The following CA8 variants were observed in gnomAD, a reference collection of about 807,000 sequenced individuals.
CA8 encodes carbonic anhydrase-related protein.
In CA8, 22 loss-of-function variants were observed where a neutral mutation model predicts 41.4. The ratio of observed to expected loss-of-function variants is 0.53; its 90% CI spans 0.38 to 0.76. The LOEUF (loss-of-function observed/expected upper bound fraction) is 0.76, where lower values mean the gene tolerates loss of function less well. CA8 is among the 30% of genes least tolerant of loss of function. The pLI is 0.00. For missense variants in CA8, 270 were observed against 352.8 expected (o/e 0.77, Z 1.88); for synonymous variants, 121 against 130.6 (o/e 0.93, Z 0.50).
chr8:60,190,150 C>A (rs1806074028), intron 8 of CA8, among the ~76,000 whole-genome samples, 165 bp from the exon 9 acceptor site: 1 of 151,830 alleles, frequency 6.6e-6, no homozygotes, highest in South Asian at 2.1e-4. Context: ...GTTATCTCTG[C>A]AATTTTTCCA....
At chr8:60,274,817 T>C (rs142306190) in intron 2 of CA8, among the ~76,000 whole-genome samples, 21 of 152,298 alleles carry the variant, frequency 1.4e-4, no homozygotes, top group African/African-American at 4.6e-4. Context: ...CTCCACAGTA[T>C]TTTATTATAG....
intron 7 of CA8, among the ~76,000 whole-genome samples, chr8:60,221,029 G>A (rs1044700421): frequency 1.4e-4 from 22 of 152,296 alleles, no homozygotes; most frequent in African/African-American, 4.8e-4. Context: ...TTTTATGTGA[G>A]CATGAAATAA....
At chr8:60,251,938 T>G (rs1306474844) in intron 3 of CA8, among the ~76,000 whole-genome samples, 1 of 152,130 alleles carries the variant, frequency 6.6e-6, no homozygotes, top group African/African-American at 2.4e-5. Context: ...ATCCTAATAA[T>G]CTAAAATAGA....
intron 1 of CA8, 102 bp downstream of exon 1, chr8:60,280,946 G>C (rs1804399903): frequency 1.2e-6 from 1 of 826,604 alleles, no homozygotes; most frequent in Non-Finnish European, 2.0e-6. Flanking sequence ...GGGGGCGTGG[G>C]GGTGCTCGGA....
intron 5 of CA8, among the ~76,000 whole-genome samples, chr8:60,226,613 G>T (rs572004536): frequency 6.6e-6 from 1 of 152,158 alleles, no homozygotes; most frequent in Non-Finnish European, 1.5e-5. Context: ...TCATTGCTAG[G>T]AGAATTAGGG....
At chr8:60,259,277 A>T (rs75450019) in intron 3 of CA8, among the ~76,000 whole-genome samples, 7,494 of 152,250 alleles carry the variant, frequency 0.049, 241 homozygotes, top group South Asian at 0.13. Flanking sequence ...TCAGAACCCA[A>T]TTGAAAATAT....
intron 2 of CA8, among the ~76,000 whole-genome samples, chr8:60,273,512 C>T (rs974713035): frequency 5.3e-5 from 8 of 152,170 alleles, no homozygotes; most frequent in South Asian, 2.1e-4. Context: ...AAAAAGAAGA[C>T]GAACAAAGTA....
intron 7 of CA8, among the ~76,000 whole-genome samples, chr8:60,209,574 A>G (rs776447849): frequency 1.1e-4 from 17 of 152,234 alleles, no homozygotes; most frequent in Non-Finnish European, 1.8e-4. Context: ...TGTGCTCTTA[A>G]ATGCTTTCCA....
intron 7 of CA8, among the ~76,000 whole-genome samples, chr8:60,220,724 A>C (rs1050893590): frequency 6.6e-6 from 1 of 152,034 alleles, no homozygotes; most frequent in African/African-American, 2.4e-5. Context: ...TGATCACTGA[A>C]TCTGTTTTTT....
chr8:60,242,430 G>C (rs138560899), intron 3 of CA8, among the ~76,000 whole-genome samples: 3 of 152,228 alleles, frequency 2.0e-5, no homozygotes, highest in African/African-American at 7.2e-5. Context: ...GACACAGGGA[G>C]TATGGCTCTA....
chr8:60,212,967 C>G (rs1266369338), intron 7 of CA8, among the ~76,000 whole-genome samples: 1 of 152,148 alleles, frequency 6.6e-6, no homozygotes, highest in Non-Finnish European at 1.5e-5. Context: ...TGGTACTAAT[C>G]AAATTAAAAA....
chr8:60,232,230 T>C (rs758083149), intron 4 of CA8, 54 bp downstream of exon 4: 2 of 1,376,986 alleles, frequency 1.5e-6, no homozygotes, highest in Non-Finnish European at 2.1e-6. Flanking sequence ...TTTTACAAAA[T>C]GATTTAGAAA....
intron 3 of CA8, among the ~76,000 whole-genome samples, chr8:60,261,896 G>A (rs552213474): frequency 1.2e-3 from 181 of 152,234 alleles, no homozygotes; most frequent in African/African-American, 4.2e-3. Context: ...ATTTTTAGTA[G>A]AGACGGGGTT....
At chr8:60,236,297 C>T (rs1276222115) in intron 3 of CA8, among the ~76,000 whole-genome samples, 1 of 152,192 alleles carries the variant, frequency 6.6e-6, no homozygotes, top group African/African-American at 2.4e-5. Context: ...ACTCAAGCTG[C>T]AACATCAACT....
intron 3 of CA8, among the ~76,000 whole-genome samples, chr8:60,243,159 G>A (rs1433554621): frequency 6.6e-6 from 1 of 152,096 alleles, no homozygotes; most frequent in Non-Finnish European, 1.5e-5. Flanking sequence ...CCACCAGTCA[G>A]CATCCCCACA....
At position 60,185,412 on chromosome 8, in the gene CA8, T is replaced by C. The variant is rs1387411256; in HGVS notation, c.*4609A>G. On this transcript the variant is annotated 3_prime_UTR_variant, in exon 9 of 9. Coordinates refer to ENST00000317995, the MANE Select transcript of CA8 (RefSeq NM_004056.6). The stretch of plus-strand genomic sequence containing the variant: ...AAGTGGAAATGAATAGTCAAGGAAA[T>C]AATGGCTCAAACATCCCAAATTTAA... Among the ~76,000 whole-genome samples, 1 of 151,540 alleles carries C rather than the reference T, an allele frequency of 6.6e-6. No homozygotes were observed. The highest frequency in any genetic ancestry group is 1.5e-5 in the Non-Finnish European group (1 of 67,912).
chr8:60,217,368 T>A (rs72665103), intron 7 of CA8, among the ~76,000 whole-genome samples: 15,938 of 152,220 alleles, frequency 0.1, 969 homozygotes, highest in East Asian at 0.17. Flanking sequence ...GTGTGCAGAA[T>A]CTGACACTCG....
At chr8:60,191,522 T>C (rs1435743713) in intron 8 of CA8, among the ~76,000 whole-genome samples, 1 of 152,112 alleles carries the variant, frequency 6.6e-6, no homozygotes, top group South Asian at 2.1e-4. Flanking sequence ...ATATGGTTCT[T>C]TAATTCAAAG....
In CA8 at chr8:60,271,048, C is replaced by T. The variant is rs138372732; in HGVS notation, c.293-4999G>A. 7.5e-3 allele frequency among the ~76,000 whole-genome samples: 1,145 copies of T among 152,190 alleles called. 16 individuals are homozygous for T. Among genetic ancestry groups the T allele is most frequent in the African/African-American group, 0.026 (1,071 of 41,500 alleles). The stretch of plus-strand genomic sequence containing the variant: ...CACCAAAATTAGCCAATAATAAATA[C>T]AGTCATTAATCCAGCCAGGTACAGT... On this transcript the variant is annotated intron_variant, in intron 2 of 8. Transcript: ENST00000317995.
Sources: gnomAD v4.1 joint callset for allele counts (sites outside exome capture counted in the v4.1 genomes callset) on GRCh38, gnomAD v4.1.1 for gene constraint, MANE v1.5 for transcripts, NCBI Gene and HGNC (gene_info 2026-07-23, HGNC 2026-07-21) for gene names.